The following ATP6V1B2 variants were observed in gnomAD, a reference collection of about 807,000 sequenced individuals.
ATP6V1B2 encodes the protein V-type proton ATPase subunit B, brain isoform.
ATP6V1B2 carries 23 observed loss-of-function variants against 66.7 expected under a neutral mutation model. The observed-to-expected ratio is 0.34, with a 90% CI of 0.25 to 0.49. ATP6V1B2 has a LOEUF of 0.49. ATP6V1B2 is among the 20% of genes least tolerant of loss of function. The pLI is 0.99. For synonymous variants in ATP6V1B2, 278 were observed against 236.7 expected (o/e 1.17, Z -1.60); for missense variants, 478 against 650.8 (o/e 0.73, Z 2.89).
chr8:20,207,733 AGT>A (rs1397751597), intron 2 of ATP6V1B2, among the ~76,000 whole-genome samples: 4 of 151,924 alleles, frequency 2.6e-5, no homozygotes, highest in African/African-American at 7.2e-5. Context: ...AAAAAAAAAA[AGT>A]GTTAAAACTT....
intron 1 of ATP6V1B2, among the ~76,000 whole-genome samples, chr8:20,198,353 C>G (rs2072649910): frequency 6.6e-6 from 1 of 152,202 alleles, no homozygotes; most frequent in Non-Finnish European, 1.5e-5. Flanking sequence ...TTTGGGGAAG[C>G]CAGGTGGCTT....
intron 12 of ATP6V1B2, 97 bp downstream of exon 12, chr8:20,217,421 C>G: frequency 9.2e-7 from 1 of 1,089,188 alleles, no homozygotes; most frequent in South Asian, 1.3e-5. Context: ...CTCTCTTCCC[C>G]ATCCACATGG....
rs116941637 is a variant in ATP6V1B2 at position 20,197,417 on chromosome 8, G to A, written c.11G>A (p.Arg4Gln). The A allele has an allele frequency of 6.2e-3, 9,497 of 1,542,040 alleles. 49 individuals carry two copies. Among genetic ancestry groups the A allele is most frequent in the Middle Eastern group, 0.011 (52 of 4,730 alleles). The change falls in exon 1 of 14, where the codon CGG becomes CAG. Residue 4 changes from arginine to glutamine, a missense_variant. Physicochemically the swap from Arg to Gln is conservative, Grantham distance 43. Around this residue, in one of 2 missense-constraint regions of ATP6V1B2, gnomAD observed 152 missense variants for 105.2 expected, o/e 1.44. Coordinates refer to ENST00000276390, the MANE Select transcript of ATP6V1B2 (RefSeq NM_001693.4). ...GACAGAGGAGACAAGATGGCGCTGC[G>A]GGCGATGCGGGGGATTGTCAACGGG... MALRAMRGIVNGAA... is the reference protein window; with the variant it reads MALQAMRGIVNGAA...
chr8:20,213,911 A>T (rs2072822806), intron 9 of ATP6V1B2: 1 of 152,222 alleles, frequency 6.6e-6, no homozygotes, highest in South Asian at 2.1e-4. Context: ...AAATTGAGTT[A>T]TTAGAAAAGT....
In ATP6V1B2 at chr8:20,212,770, G is replaced by A. The variant is rs759219789; in HGVS notation, c.804-12G>A. ...TGGTTTGAGTGGCCTAAGACTTAAT[G>A]TTCCCTTTCAGCATTGAGCGAATTA... On this transcript the variant is annotated splice_polypyrimidine_tract_variant and intron_variant, in intron 8 of 13. Transcript: ENST00000276390. 6.2e-7 allele frequency: 1 copy of A among 1,611,712 alleles called. No homozygotes were observed. Among genetic ancestry groups the A allele is most frequent in the South Asian group, 1.1e-5 (1 of 90,428 alleles).
intron 3 of ATP6V1B2, among the ~76,000 whole-genome samples, chr8:20,210,141 G>A (rs1316570780): frequency 6.7e-6 from 1 of 149,542 alleles, no homozygotes; most frequent in Non-Finnish European, 1.5e-5. Context: ...TGCTTAGCTT[G>A]CTTATCAAAT....
intron 2 of ATP6V1B2, among the ~76,000 whole-genome samples, chr8:20,207,542 C>T (rs1423220135): frequency 2.6e-5 from 4 of 151,614 alleles, no homozygotes; most frequent in Admixed American, 6.6e-5. Flanking sequence ...GCACATTGTG[C>T]GCATGTACCC....
chr8:20,204,719 TG>T (rs1190960281), intron 2 of ATP6V1B2, among the ~76,000 whole-genome samples, 180 bp downstream of exon 2: 1 of 152,182 alleles, frequency 6.6e-6, no homozygotes, highest in Non-Finnish European at 1.5e-5. Context: ...CTAAGATTTT[TG>T]CCTGAGCTGT....
chr8:20,214,408 T>G (rs979337508), intron 9 of ATP6V1B2: 1 of 154,404 alleles, frequency 6.5e-6, no homozygotes, highest in Non-Finnish European at 1.4e-5. Flanking sequence ...TGATTCCTCG[T>G]GTACATTTCC....
At chr8:20,211,951 C>T (rs1233114753) in intron 7 of ATP6V1B2, 151 bp from the exon 8 acceptor site, 15 of 822,790 alleles carry the variant, frequency 1.8e-5, no homozygotes, top group East Asian at 5.4e-5. Flanking sequence ...TGCCCCAAAC[C>T]GGCTCTTTGT....
Position 20,210,541 on chromosome 8 carries a change from TCTGTCCTGTCTTCTTA to T in ATP6V1B2, c.386-24_386-9del. ...TGAACATTTGAAAGTCAGCATCTAC[TCTGTCCTGTCTTCTTA>T]CTGATTTCTAGGTCGGGTATTCAAT... is the stretch of plus-strand genomic sequence containing the variant. On this transcript the variant is annotated splice_polypyrimidine_tract_variant and intron_variant, in intron 4 of 13. Transcript: ENST00000276390. 1.9e-6 allele frequency: 3 copies of T among 1,611,644 alleles called. No individual in the cohort carries two copies. Among genetic ancestry groups the T allele is most frequent in the Non-Finnish European group, 1.7e-6 (2 of 1,177,846 alleles).
rs540493665 is a variant in ATP6V1B2 at position 20,197,628 on chromosome 8, G to C, written c.136+86G>C. 1.1e-5 allele frequency: 14 copies of C among 1,277,366 alleles called. No homozygotes were observed. In the Admixed American group the frequency reaches 2.0e-4, roughly 18 times the overall value. 79.1% of individuals were successfully genotyped at this position (1,277,366 alleles called of 1,614,324 possible). ...AGTCACCTGCTTAGCCAGCGGGTAGGGGGTAGGATTTGTTTTTCCCTCCCG... is the reference window on the plus strand; with the variant it reads ...AGTCACCTGCTTAGCCAGCGGGTAGCGGGTAGGATTTGTTTTTCCCTCCCG... On this transcript the variant is annotated intron_variant, in intron 1 of 13. Transcript: ENST00000276390.
At chr8:20,199,804 T>A (rs1460505776) in intron 1 of ATP6V1B2, among the ~76,000 whole-genome samples, 1 of 152,016 alleles carries the variant, frequency 6.6e-6, no homozygotes, top group Non-Finnish European at 1.5e-5. Flanking sequence ...AGAGACGGGA[T>A]TTCACCGTGT....
At chr8:20,210,669 T>A (rs1258565149) in intron 5 of ATP6V1B2, 23 bp downstream of exon 5, 1 of 1,597,826 alleles carries the variant, frequency 6.3e-7, no homozygotes, top group South Asian at 1.1e-5. Flanking sequence ...GATGGATTGC[T>A]GTGTTTGGGA....
In ATP6V1B2 at chr8:20,212,521, A is replaced by G. The variant is rs576177894; in HGVS notation, c.804-261A>G. ...CTCCTACCTCAAAAATCTGGCTTTCATTTGTTTCCTCTCTCTCTCCTTCCT... is the reference window on the plus strand; with the variant it reads ...CTCCTACCTCAAAAATCTGGCTTTCGTTTGTTTCCTCTCTCTCTCCTTCCT... On this transcript the variant is annotated intron_variant, in intron 8 of 13. Transcript: ENST00000276390. Among the ~76,000 whole-genome samples the G allele has an allele frequency of 5.9e-5, 9 of 152,294 alleles. No individual in the cohort carries two copies. The South Asian group carries it at 1.2e-3, about 21-fold the overall frequency.
At position 20,206,479 on chromosome 8, in the gene ATP6V1B2, G is replaced by GA. The variant is rs1212002559; in HGVS notation, c.192+1944dup. ...TGCTAGAATAGGTTACAGAACTCAG[G>GA]AAAACCATTTACTTACTATTACTGA... On this transcript the variant is annotated intron_variant, in intron 2 of 13. Coordinates refer to ENST00000276390, the MANE Select transcript of ATP6V1B2 (RefSeq NM_001693.4). 2.6e-5 allele frequency among the ~76,000 whole-genome samples: 4 copies of GA among 152,056 alleles called. No homozygotes were observed. The East Asian group carries it at 7.7e-4, about 29-fold the overall frequency.
At position 20,221,174 on chromosome 8, in the gene ATP6V1B2, A is replaced by G. The variant is rs1328163149; in HGVS notation, c.*772A>G. The G allele has an allele frequency of 6.6e-6, 1 of 152,196 alleles. No individual in the cohort carries two copies. Among genetic ancestry groups the G allele is most frequent in the African/African-American group, 2.4e-5 (1 of 41,452 alleles). 9.4% of individuals were successfully genotyped at this position (152,196 alleles called of 1,614,324 possible). A position where few individuals can be genotyped will look rare whatever the true frequency, so the allele number is the denominator to read the frequency against. The stretch of plus-strand genomic sequence containing the variant: ...CCAGTAGAGTTGTTGTTTGGGGTAC[A>G]AGATGAGAAGAAAGAAAAACCTACA... On this transcript the variant is annotated 3_prime_UTR_variant, in exon 14 of 14. Coordinates refer to ENST00000276390, the MANE Select transcript of ATP6V1B2 (RefSeq NM_001693.4).
intron 2 of ATP6V1B2, among the ~76,000 whole-genome samples, chr8:20,207,263 G>A (rs1271862679): frequency 6.6e-6 from 1 of 151,996 alleles, no homozygotes; most frequent in East Asian, 1.9e-4. Flanking sequence ...CAAAATTTAG[G>A]GCCCTGAAAT....
intron 5 of ATP6V1B2, 61 bp from the exon 6 acceptor site, chr8:20,211,116 T>C: frequency 6.3e-7 from 1 of 1,575,152 alleles, no homozygotes; most frequent in Admixed American, 2.0e-5. Context: ...ATATGATATC[T>C]AATTTCATTC....
Sources: allele counts gnomAD v4.1 joint callset (sites outside exome capture counted in the v4.1 genomes callset), GRCh38; gene constraint gnomAD v4.1.1; regional missense constraint gnomAD v4.1.1; transcripts MANE v1.5; gene names NCBI Gene and HGNC (gene_info 2026-07-23, HGNC 2026-07-21).